POLN: variants seen among roughly 807,000 people sequenced by gnomAD.
POLN encodes the protein DNA polymerase nu.
POLN carries 108 observed loss-of-function variants against 113.5 expected under a neutral mutation model. That is an observed-to-expected ratio of 0.95 (90% CI 0.81 to 1.12). The LOEUF (loss-of-function observed/expected upper bound fraction) is 1.12. Among genes scored for constraint, POLN ranks in the 50% most tolerant of loss-of-function variants. The pLI is 0.00. For synonymous variants in POLN, 386 were observed against 391.5 expected (o/e 0.99, Z 0.17); for missense variants, 1,097 against 1,077.1 (o/e 1.02, Z -0.26).
intron 18 of POLN, 80 bp from the exon 19 acceptor site, chr4:2,128,307 G>T: frequency 1.3e-6 from 1 of 779,434 alleles, no homozygotes; most frequent in Non-Finnish European, 2.1e-6. Flanking sequence ...GCCACCCTCA[G>T]ACTCTCCTGA....
At chr4:2,237,196 T>C (rs2213312) in intron 2 of POLN, among the ~76,000 whole-genome samples, 38,263 of 151,720 alleles carry the variant, frequency 0.25, 7,719 homozygotes, top group African/African-American at 0.54. Context: ...GTAATCCCAG[T>C]ATTGTGGGAG....
At chr4:2,210,869 C>T (rs1157697123) in intron 4 of POLN, among the ~76,000 whole-genome samples, 3 of 148,568 alleles carry the variant, frequency 2.0e-5, no homozygotes, top group African/African-American at 7.4e-5. Flanking sequence ...TGCAGTGAGC[C>T]GAGATCGCGC....
intron 7 of POLN, among the ~76,000 whole-genome samples, chr4:2,191,218 C>T (rs1488017144): frequency 1.3e-5 from 2 of 152,128 alleles, no homozygotes; most frequent in East Asian, 3.9e-4. Context: ...CTGGAGATCA[C>T]CATGTTAAGT....
At chr4:2,107,552 G>T (rs1038233403) in intron 19 of POLN, among the ~76,000 whole-genome samples, 1 of 152,182 alleles carries the variant, frequency 6.6e-6, no homozygotes, top group Non-Finnish European at 1.5e-5. Context: ...TGGGGTTGGG[G>T]AGTGGGGGAC....
At chr4:2,156,205 T>A (rs1732420125) in intron 16 of POLN, among the ~76,000 whole-genome samples, 1 of 152,206 alleles carries the variant, frequency 6.6e-6, no homozygotes, top group Non-Finnish European at 1.5e-5. Context: ...TTCTGCACAG[T>A]GGATAACAAG....
At chr4:2,150,482 TTATAAAGTTCA>T (rs2108736757) in intron 16 of POLN, among the ~76,000 whole-genome samples, 1 of 152,278 alleles carries the variant, frequency 6.6e-6, no homozygotes, top group African/African-American at 2.4e-5. Flanking sequence ...AAACTGCTGA[TTATAAAGTTCA>T]TATGGAAATG....
At chr4:2,106,701 A>C (rs772493396) in intron 19 of POLN, among the ~76,000 whole-genome samples, 33 of 152,200 alleles carry the variant, frequency 2.2e-4, no homozygotes, top group Non-Finnish European at 7.3e-5. Context: ...AAATGCTTAT[A>C]CATATCCCAG....
rs941266118 is a variant in POLN, at chr4:2,176,330, T to C, written c.1184A>G (p.Gln395Arg). 1.9e-5 allele frequency: 30 copies of C among 1,595,216 alleles called. No homozygotes were observed. The highest frequency in any genetic ancestry group is 2.5e-5 in the Non-Finnish European group (29 of 1,172,520). Residue 395 changes from glutamine (Q) to arginine (R), a missense_variant, in exon 9 of 26, where the codon CAG becomes CGG. Coordinates refer to ENST00000511885, the MANE Select transcript of POLN (RefSeq NM_181808.4). ...TGTCTTCAGGTTCTCACGTACATTC[T>C]GATTCTTTAAAAGAGCAAAAGTATT... is the stretch of plus-strand genomic sequence containing the variant. ...YGNSSRNIVN[Q>R]NVRENLKTLY... is the part of the protein sequence containing the mutation.
intron 7 of POLN, among the ~76,000 whole-genome samples, chr4:2,192,237 A>C (rs1270522983): frequency 2.0e-5 from 3 of 152,144 alleles, no homozygotes; most frequent in African/African-American, 7.2e-5. Flanking sequence ...TTTATTATGA[A>C]CATTTTCAAA....
intron 21 of POLN, 123 bp from the exon 22 acceptor site, chr4:2,081,866 T>A: frequency 4.3e-6 from 3 of 697,614 alleles, no homozygotes; most frequent in Non-Finnish European, 7.2e-6. Flanking sequence ...ACTCCAAGCC[T>A]CCCCTGGGCC....
At chr4:2,176,822 G>C (rs139796180) in intron 8 of POLN, among the ~76,000 whole-genome samples, 1 of 152,276 alleles carries the variant, frequency 6.6e-6, no homozygotes. Context: ...ACAAGGGTCT[G>C]TGTTCAGCTG....
At chr4:2,201,943 G>A (rs912675741) in intron 5 of POLN, among the ~76,000 whole-genome samples, 1 of 152,078 alleles carries the variant, frequency 6.6e-6, no homozygotes, top group Non-Finnish European at 1.5e-5. Context: ...AATGAAGGAA[G>A]GATGCAGTCC....
intron 3 of POLN, among the ~76,000 whole-genome samples, chr4:2,222,014 G>T (rs1018466895): frequency 6.6e-6 from 1 of 152,156 alleles, no homozygotes; most frequent in Non-Finnish European, 1.5e-5. Context: ...GCCACCTTGG[G>T]CACGTCTCAG....
chr4:2,099,616 G>T (rs1388271746), intron 19 of POLN, among the ~76,000 whole-genome samples: 1 of 152,296 alleles, frequency 6.6e-6, no homozygotes, highest in African/African-American at 2.4e-5. Flanking sequence ...TCATGGAGGG[G>T]GTCCTGGAGC....
chr4:2,147,638 C>CTCTTCTTTTTTTTT (rs1732178515), intron 16 of POLN, among the ~76,000 whole-genome samples: 1 of 21,124 alleles, frequency 4.7e-5, no homozygotes, highest in Non-Finnish European at 2.1e-4. Context: ...TCCAGTTTTT[C>CTCTTCTTTTTTTTT]TTTTCTTTTT....
intron 2 of POLN, among the ~76,000 whole-genome samples, chr4:2,235,801 A>G (rs1185230249): frequency 1.3e-5 from 2 of 152,220 alleles, no homozygotes; most frequent in African/African-American, 4.8e-5. Context: ...TAAAAGCAAG[A>G]AAATAATGAA....
At chr4:2,149,514 A>C (rs1732235654) in intron 16 of POLN, among the ~76,000 whole-genome samples, 1 of 152,204 alleles carries the variant, frequency 6.6e-6, no homozygotes. Flanking sequence ...CATTGGAAAC[A>C]GTAACTACAT....
rs571656742 is a variant in POLN, at chr4:2,090,311, A to G, written c.2066-4567T>C. On this transcript the variant is annotated intron_variant, in intron 20 of 25. Coordinates refer to ENST00000511885, the MANE Select transcript of POLN (RefSeq NM_181808.4). ...CAAACTTGTTCTTCAGAACTGATTC[A>G]ATCAATATTTCATCTGGCACAGCAT... The G allele has an allele frequency of 2.3e-3, 1,887 of 804,350 alleles. 42 individuals carry two copies. In the South Asian group the frequency reaches 0.029, roughly 12 times the overall value. The allele number at this position is 804,350 out of a possible 1,614,324, so 49.8% of individuals were successfully genotyped here.
chr4:2,208,309 T>C lies in POLN; in HGVS notation c.392A>G (p.Lys131Arg), dbSNP rs1379439176. 2 of 1,606,496 alleles carry C rather than the reference T, an allele frequency of 1.2e-6. No individual in the cohort carries two copies. Among genetic ancestry groups the C allele is most frequent in the South Asian group, 2.2e-5 (2 of 89,182 alleles). Residue 131 changes from lysine to arginine, a missense_variant, in exon 5 of 26, where the codon AAA (lysine) becomes AGA (arginine). Transcript: ENST00000511885. The stretch of plus-strand genomic sequence containing the variant: ...GAAATGCTTTCTTTTATGCCCCTTT[T>C]TCTGTAGAACTGAAGCCTCTTGATT... ...QYNQEASVLQ[K>R]KGHKRKHFLM...
Sources: gnomAD v4.1 joint callset for allele counts (sites outside exome capture counted in the v4.1 genomes callset) on GRCh38, gnomAD v4.1.1 for gene constraint, MANE v1.5 for transcripts, NCBI Gene and HGNC (gene_info 2026-07-23, HGNC 2026-07-21) for gene names.